The following MRGPRX3 variants were observed in gnomAD, a reference collection of about 807,000 sequenced individuals.
MRGPRX3 encodes the protein mas-related G protein-coupled receptor member X3.
Under a neutral mutation model 16.5 loss-of-function variants are expected in MRGPRX3, and 14 were observed. That is an observed-to-expected ratio of 0.85 (90% CI 0.56 to 1.33). MRGPRX3 has a LOEUF of 1.33. Among genes scored for constraint, MRGPRX3 ranks in the 40% most tolerant of loss-of-function variants. The pLI, the probability that MRGPRX3 is intolerant of heterozygous loss-of-function variation, is 0.00. For synonymous variants in MRGPRX3, 199 were observed against 180.1 expected (o/e 1.10, Z -0.84); for missense variants, 449 against 413.0 (o/e 1.09, Z -0.76).
chr11:18,137,673 G>A lies in MRGPRX3; in HGVS notation c.471G>A (p.Glu157=), dbSNP rs763544795. Residue 157 remains glutamate (E), a synonymous_variant, in exon 2 of 2, where the codon GAG becomes GAA. Coordinates refer to ENST00000621697, the MANE Select transcript of MRGPRX3 (RefSeq NM_001370464.1). ...TGTCCCTGCTGCGGAGTATCCTGGA[G>A]TGGATGTTCTGTGACTTCCTGTTTA... is the stretch of plus-strand genomic sequence containing the variant. ...WALSLLRSIL[E]WMFCDFLFSG... 18 of 1,614,156 alleles carry A rather than the reference G, an allele frequency of 1.1e-5. No homozygotes were observed. Among genetic ancestry groups the A allele is most frequent in the Non-Finnish European group, 1.5e-5 (18 of 1,180,040 alleles).
intron 1 of MRGPRX3, among the ~76,000 whole-genome samples, chr11:18,135,688 C>A (rs1849001755): frequency 6.6e-6 from 1 of 151,896 alleles, no homozygotes; most frequent in Admixed American, 6.6e-5. Context: ...TTTCAGCCCA[C>A]AATTTTGACT....
Position 18,138,356 on chromosome 11 carries a change from C to G in MRGPRX3, c.*185C>G, listed in dbSNP as rs1412978767. On this transcript the variant is annotated 3_prime_UTR_variant, in exon 2 of 2. Coordinates refer to ENST00000621697, the MANE Select transcript of MRGPRX3 (RefSeq NM_001370464.1). Reference sequence around the variant, plus strand: ...TCACCCATGGAAAGCATTAGTCTGACAGTACAATGTTTGGATTCTCCTTGA... The same window carrying G: ...TCACCCATGGAAAGCATTAGTCTGAGAGTACAATGTTTGGATTCTCCTTGA... 1.2e-6 allele frequency: 1 copy of G among 847,124 alleles called. No individual in the cohort carries two copies. The highest frequency in any genetic ancestry group is 3.1e-5 in the Admixed American group (1 of 32,218). 52.5% of individuals were successfully genotyped at this position (847,124 alleles called of 1,614,324 possible). A position where few individuals can be genotyped will look rare whatever the true frequency, so the allele number is the denominator to read the frequency against.
intron 1 of MRGPRX3, among the ~76,000 whole-genome samples, chr11:18,125,914 G>C (rs1327872431): frequency 2.0e-5 from 3 of 152,196 alleles, no homozygotes; most frequent in Non-Finnish European, 2.9e-5. Context: ...AGCTCTTCTT[G>C]TTGAATTGAT....
At chr11:18,134,376 A>G (rs12275002) in intron 1 of MRGPRX3, among the ~76,000 whole-genome samples, 7,704 of 152,280 alleles carry the variant, frequency 0.051, 649 homozygotes, top group African/African-American at 0.18. Context: ...TGTACTGAAC[A>G]GGTACAAACT....
rs368192811 is a variant in MRGPRX3, at chr11:18,137,810, T to C, written c.608T>C (p.Leu203Pro). The C allele has an allele frequency of 8.7e-6, 14 of 1,614,132 alleles. No individual in the cohort carries two copies. The highest frequency in any genetic ancestry group is 1.2e-5 in the Non-Finnish European group (14 of 1,180,048). The change falls in exon 2 of 2, where the codon CTC becomes CCC. Residue 203 changes from leucine (L) to proline (P), a missense_variant. Coordinates refer to ENST00000621697, the MANE Select transcript of MRGPRX3 (RefSeq NM_001370464.1). ...AGCCTGGTCCTGCTGGTCAGGATTCTCTGTGGATCCCGGAAGATGCCGCTG... is the reference window on the plus strand; with the variant it reads ...AGCCTGGTCCTGCTGGTCAGGATTCCCTGTGGATCCCGGAAGATGCCGCTG... The part of the protein sequence containing the change: ...GSSLVLLVRI[L>P]CGSRKMPLTR...
At chr11:18,131,350 C>T (rs947561172), upstream of MRGPRX3, among the ~76,000 whole-genome samples, 7 of 151,936 alleles carry the variant, frequency 4.6e-5, no homozygotes, top group African/African-American at 1.7e-4. Context: ...AGAAAGCAAA[C>T]AATCCCATGA....
chr11:18,125,439 G>A (rs535852794), intron 1 of MRGPRX3, among the ~76,000 whole-genome samples: 3 of 151,962 alleles, frequency 2.0e-5, no homozygotes, highest in Non-Finnish European at 4.4e-5. Flanking sequence ...CCTTCATTTC[G>A]TTATGTACCC....
At chr11:18,122,572 C>A (rs887837348) in intron 1 of MRGPRX3, among the ~76,000 whole-genome samples, 16 of 152,188 alleles carry the variant, frequency 1.1e-4, no homozygotes, top group African/African-American at 2.9e-4. Context: ...ACATTTTCTT[C>A]ATCCAGTCTA....
chr11:18,127,076 T>G (rs999342456), intron 1 of MRGPRX3, among the ~76,000 whole-genome samples: 1 of 152,244 alleles, frequency 6.6e-6, no homozygotes, highest in Non-Finnish European at 1.5e-5. Flanking sequence ...CACTGACTTC[T>G]TTAAGAATGT....
chr11:18,137,151 G>A (rs1237930326), intron 1 of MRGPRX3, 27 bp from the exon 2 acceptor site: 2 of 1,535,040 alleles, frequency 1.3e-6, no homozygotes, highest in East Asian at 4.5e-5. Context: ...CAAACAGCTG[G>A]TGATCACATC....
chr11:18,131,072 A>G (rs1270485256), upstream of MRGPRX3, among the ~76,000 whole-genome samples: 1 of 152,234 alleles, frequency 6.6e-6, no homozygotes, highest in Non-Finnish European at 1.5e-5. Flanking sequence ...ACCTAAAACC[A>G]TAAAAATTCT....
In MRGPRX3 at chr11:18,127,266, G is replaced by A. The variant is rs562238875; in HGVS notation, c.-151-5348G>A. 9.9e-5 allele frequency among the ~76,000 whole-genome samples: 15 copies of A among 152,122 alleles called. No individual in the cohort carries two copies. The South Asian group carries it at 1.7e-3, about 17-fold the overall frequency. Reference sequence around the variant, plus strand: ...TATGTGTCTTGGAGTTGCTCTTCTCGAGGAGTATCTTTGTGGCATTCTCTG... The same window carrying A: ...TATGTGTCTTGGAGTTGCTCTTCTCAAGGAGTATCTTTGTGGCATTCTCTG... On this transcript the variant is annotated intron_variant, in intron 1 of 2. Transcript: ENST00000396275.
chr11:18,137,995 A>G lies in MRGPRX3; in HGVS notation c.793A>G (p.Ser265Gly). The G allele has an allele frequency of 1.2e-6, 2 of 1,614,168 alleles. No individual in the cohort carries two copies. Among genetic ancestry groups the G allele is most frequent in the Non-Finnish European group, 1.7e-6 (2 of 1,180,024 alleles). The change falls in exon 2 of 2, where the codon AGC (serine) becomes GGC (glycine). Residue 265 changes from serine to glycine, a missense_variant. Physicochemically the swap from Ser to Gly is moderately conservative, Grantham distance 56. Transcript: ENST00000621697. ...LVSIFLSALN[S>G]SANPIIYFFV... is the part of the protein sequence containing the mutation. ...TTCCATTTTCCTGTCCGCTCTTAAC[A>G]GCAGTGCCAACCCCATCATTTACTT...
chr11:18,125,996 G>A (rs1013175252), intron 1 of MRGPRX3, among the ~76,000 whole-genome samples: 1 of 152,152 alleles, frequency 6.6e-6, no homozygotes, highest in Admixed American at 6.5e-5. Flanking sequence ...TTTTATCAGA[G>A]ACTAGAATTG....
At chr11:18,124,685 G>A (rs1430072273) in intron 1 of MRGPRX3, among the ~76,000 whole-genome samples, 2 of 152,164 alleles carry the variant, frequency 1.3e-5, no homozygotes, top group Non-Finnish European at 2.9e-5. Flanking sequence ...TTTGGTATCA[G>A]GATGATGCTG....
chr11:18,127,856 A>G (rs935300543), upstream of MRGPRX3, among the ~76,000 whole-genome samples: 1 of 152,132 alleles, frequency 6.6e-6, no homozygotes, highest in Non-Finnish European at 1.5e-5. Flanking sequence ...TCTGATTTTT[A>G]GAATTTTCTG....
At chr11:18,125,146 G>T (rs2134079704) in intron 1 of MRGPRX3, among the ~76,000 whole-genome samples, 1 of 152,178 alleles carries the variant, frequency 6.6e-6, no homozygotes, top group South Asian at 2.1e-4. Flanking sequence ...ACAGCTCCTG[G>T]ATTCATTGAT....
chr11:18,122,516 C>T (rs752038526), intron 1 of MRGPRX3, among the ~76,000 whole-genome samples: 1 of 152,178 alleles, frequency 6.6e-6, no homozygotes, highest in African/African-American at 2.4e-5. Context: ...AGGACATGAA[C>T]TCATCAATTT....
upstream of MRGPRX3, among the ~76,000 whole-genome samples, chr11:18,128,754 G>A (rs1305884047): frequency 1.3e-5 from 2 of 152,152 alleles, no homozygotes; most frequent in African/African-American, 2.4e-5. Flanking sequence ...GCCCTGCTTC[G>A]GCTCACACTT....
Sources: allele counts gnomAD v4.1 joint callset (sites outside exome capture counted in the v4.1 genomes callset), GRCh38; gene constraint gnomAD v4.1.1; transcripts MANE v1.5; gene names NCBI Gene and HGNC (gene_info 2026-07-23, HGNC 2026-07-21).